The following SLC4A3 variants were observed in gnomAD, a reference collection of about 807,000 sequenced individuals.
The protein encoded by SLC4A3 is anion exchange protein 3.
In SLC4A3, 47 loss-of-function variants were observed where a neutral mutation model predicts 114.2. The observed-to-expected ratio is 0.41, with a 90% CI of 0.33 to 0.52. SLC4A3 has a LOEUF of 0.52. Ranked by LOEUF, SLC4A3 falls within the 20% of genes least tolerant of loss-of-function variation. SLC4A3 has a pLI of 0.21. For missense variants in SLC4A3, 1,312 were observed against 1,668.3 expected (o/e 0.79, Z 3.72); for synonymous variants, 693 against 710.3 (o/e 0.98, Z 0.39).
In SLC4A3 at chr2:219,630,871, C is replaced by T. The variant is rs1698893140; in HGVS notation, c.811+519C>T. Among the ~76,000 whole-genome samples the T allele has an allele frequency of 6.6e-6, 1 of 152,176 alleles. No individual in the cohort carries two copies. The highest frequency in any genetic ancestry group is 1.5e-5 in the Non-Finnish European group (1 of 68,038). The stretch of plus-strand genomic sequence containing the variant: ...CTGTCATCACCCGTGGGGCTCTGTG[C>T]CCAGGCCAGGGGCATCACTGATCCC... On this transcript the variant is annotated intron_variant, in intron 6 of 22. Transcript: ENST00000358055. This position sits in a 1 kb window ranked among gnomAD's most constrained non-coding sequence, Gnocchi z 6.9.
At position 219,637,931 on chromosome 2, in the gene SLC4A3, C is replaced by A; in HGVS notation, c.2766+120C>A. ...TGGACCAAAACCCAGCTCGGGCAGC[C>A]CCTCACCCCTTCGGAAGCCTCTTCC... On this transcript the variant is annotated intron_variant, in intron 17 of 22. Transcript: ENST00000358055. The surrounding 1 kb of genome is among the most constrained non-coding windows in gnomAD (Gnocchi z 4.6). 1 of 806,880 alleles carries A rather than the reference C, an allele frequency of 1.2e-6. No individual in the cohort carries two copies. The highest frequency in any genetic ancestry group is 2.0e-6 in the Non-Finnish European group (1 of 488,162). The allele number at this position is 806,880 out of a possible 1,614,324, so 50.0% of individuals were successfully genotyped here.
intron 9 of SLC4A3, 66 bp downstream of exon 9, chr2:219,633,075 T>C (rs1037144020): frequency 3.8e-6 from 6 of 1,574,048 alleles, no homozygotes; most frequent in Middle Eastern, 1.7e-4. Context: ...CACATCCTCT[T>C]CCAAGTGGCT....
Position 219,636,505 on chromosome 2 carries a change from T to C in SLC4A3, c.2340+55T>C, listed in dbSNP as rs570042426. 5.5e-5 allele frequency: 84 copies of C among 1,530,034 alleles called. No homozygotes were observed. In the African/African-American group the frequency reaches 1.2e-3, roughly 22 times the overall value. The allele number at this position is 1,530,034 out of a possible 1,614,324, so 94.8% of individuals were successfully genotyped here. A position where few individuals can be genotyped will look rare whatever the true frequency, so the allele number is the denominator to read the frequency against. ...ATCCTGCCCCACACTCTTCCTTACC[T>C]ACATCCTGCCCCACACTCTTCCTTA... On this transcript the variant is annotated intron_variant, in intron 15 of 22. Transcript: ENST00000358055. This position sits in a 1 kb window ranked among gnomAD's most constrained non-coding sequence, Gnocchi z 5.5.
intron 12 of SLC4A3, 123 bp downstream of exon 12, chr2:219,634,727 C>A: frequency 1.9e-6 from 2 of 1,055,312 alleles, no homozygotes; most frequent in Non-Finnish European, 2.7e-6. Flanking sequence ...AGGCCATGCC[C>A]TGGAGGGTGG....
At position 219,638,696 on chromosome 2, in the gene SLC4A3, C is replaced by G. The variant is rs372673022; in HGVS notation, c.2857-7C>G. Reference sequence around the variant, plus strand: ...GTGTCCCTGAACCCTGTTTTCCTGCCATGCAGAAGCTGACAGTGCCTACAG... The same window carrying G: ...GTGTCCCTGAACCCTGTTTTCCTGCGATGCAGAAGCTGACAGTGCCTACAG... On this transcript the variant is annotated splice_region_variant and splice_polypyrimidine_tract_variant and intron_variant, in intron 18 of 22. Transcript: ENST00000358055. This position sits in a 1 kb window ranked among gnomAD's most constrained non-coding sequence, Gnocchi z 7.5. 2 of 1,613,338 alleles carry G rather than the reference C, an allele frequency of 1.2e-6. No homozygotes were observed. The highest frequency in any genetic ancestry group is 1.3e-5 in the African/African-American group (1 of 75,022).
Position 219,638,372 on chromosome 2 carries a change from A to C in SLC4A3, c.2856+119A>C. 1.2e-6 allele frequency: 1 copy of C among 828,606 alleles called. No individual in the cohort carries two copies. Among genetic ancestry groups the C allele is most frequent in the East Asian group, 2.7e-5 (1 of 37,352 alleles). 51.3% of individuals were successfully genotyped at this position (828,606 alleles called of 1,614,324 possible). A position where few individuals can be genotyped will look rare whatever the true frequency, so the allele number is the denominator to read the frequency against. On this transcript the variant is annotated intron_variant, in intron 18 of 22. Coordinates refer to ENST00000358055, the MANE Select transcript of SLC4A3 (RefSeq NM_005070.4). The surrounding 1 kb of genome is among the most constrained non-coding windows in gnomAD (Gnocchi z 7.5). ...GGCCTGAACTCAACTTTCCCAGTGG[A>C]GTGGCCGCCCTGGGGGCTGAGGGCC...
rs1559198475 is a variant in SLC4A3, at chr2:219,631,498, C to T, written c.812-470C>T. 1.5e-6 allele frequency: 2 copies of T among 1,291,284 alleles called. No homozygotes were observed. Among genetic ancestry groups the T allele is most frequent in the South Asian group, 1.3e-5 (1 of 79,726 alleles). 80.0% of individuals were successfully genotyped at this position (1,291,284 alleles called of 1,614,324 possible). Reference sequence around the variant, plus strand: ...TGGCCTTTCCCCGACTGCTGCTGGCCTGGGTGGGGCAGACAGGAGGAAGGG... The same window carrying T: ...TGGCCTTTCCCCGACTGCTGCTGGCTTGGGTGGGGCAGACAGGAGGAAGGG... On this transcript the variant is annotated intron_variant, in intron 6 of 22. Coordinates refer to ENST00000358055, the MANE Select transcript of SLC4A3 (RefSeq NM_005070.4). This position sits in a 1 kb window ranked among gnomAD's most constrained non-coding sequence, Gnocchi z 6.3.
Position 219,636,031 on chromosome 2 carries a change from A to G in SLC4A3, c.2191+140A>G. The G allele has an allele frequency of 2.7e-6, 2 of 744,572 alleles. No homozygotes were observed. Among genetic ancestry groups the G allele is most frequent in the Non-Finnish European group, 2.1e-6 (1 of 469,346 alleles). 46.1% of individuals were successfully genotyped at this position (744,572 alleles called of 1,614,324 possible). A position where few individuals can be genotyped will look rare whatever the true frequency, so the allele number is the denominator to read the frequency against. ...GTGCTAGCAAAGGTGTAAGCACCTT[A>G]CAGAGATGCTGGATCAGGGAATCCC... On this transcript the variant is annotated intron_variant, in intron 14 of 22. Coordinates refer to ENST00000358055, the MANE Select transcript of SLC4A3 (RefSeq NM_005070.4). The surrounding 1 kb of genome is among the most constrained non-coding windows in gnomAD (Gnocchi z 5.5).
chr2:219,640,584 G>A lies in SLC4A3; in HGVS notation c.3432G>A (p.Gln1144=). ...ILMPAKHHPE[Q]PYVTKVKTWR... ...TGCCGGCAAAACACCATCCTGAGCA[G>A]CCCTATGTGACCAAGGTAGGGCCGG... is the stretch of plus-strand genomic sequence containing the variant. The change falls in exon 21 of 23, where the codon CAG becomes CAA. Residue 1144 remains glutamine, a synonymous_variant. Coordinates refer to ENST00000358055, the MANE Select transcript of SLC4A3 (RefSeq NM_005070.4). The A allele has an allele frequency of 6.2e-7, 1 of 1,614,068 alleles. No homozygotes were observed. Among genetic ancestry groups the A allele is most frequent in the East Asian group, 2.2e-5 (1 of 44,884 alleles).
At position 219,636,518 on chromosome 2, in the gene SLC4A3, A is replaced by G. The variant is rs1699124422; in HGVS notation, c.2340+68A>G. ...CTCTTCCTTACCTACATCCTGCCCC[A>G]CACTCTTCCTTACCTACATCCTGCC... On this transcript the variant is annotated intron_variant, in intron 15 of 22. Transcript: ENST00000358055. This position sits in a 1 kb window ranked among gnomAD's most constrained non-coding sequence, Gnocchi z 5.5. 1 of 1,527,388 alleles carries G rather than the reference A, an allele frequency of 6.5e-7. No individual in the cohort carries two copies. The highest frequency in any genetic ancestry group is 1.4e-5 in the African/African-American group (1 of 72,124). 94.6% of individuals were successfully genotyped at this position (1,527,388 alleles called of 1,614,324 possible). A position where few individuals can be genotyped will look rare whatever the true frequency, so the allele number is the denominator to read the frequency against.
chr2:219,633,037 C>T, intron 9 of SLC4A3, 28 bp downstream of exon 9: 1 of 1,608,954 alleles, frequency 6.2e-7, no homozygotes, highest in Non-Finnish European at 8.5e-7. Context: ...TGGGAGGGGC[C>T]TGTCCAGCTC....
Position 219,641,298 on chromosome 2 carries a change from G to A in SLC4A3, c.3621+336G>A, listed in dbSNP as rs1385559106. On this transcript the variant is annotated intron_variant, in intron 22 of 22. Transcript: ENST00000358055. The surrounding 1 kb of genome is among the most constrained non-coding windows in gnomAD (Gnocchi z 4.0). The stretch of plus-strand genomic sequence containing the variant: ...GAGGCTACAGGGTTGATGTGGCACT[G>A]GTGTCCACCCTGAGCCCTGTTTTTG... Among the ~76,000 whole-genome samples the A allele has an allele frequency of 6.6e-6, 1 of 152,144 alleles. No individual in the cohort carries two copies. Among genetic ancestry groups the A allele is most frequent in the Non-Finnish European group, 1.5e-5 (1 of 68,038 alleles).
intron 4 of SLC4A3, 23 bp from the exon 5 acceptor site, chr2:219,629,557 C>T (rs1698844640): frequency 6.3e-7 from 1 of 1,598,892 alleles, no homozygotes; most frequent in Non-Finnish European, 8.6e-7. Context: ...GGCAAGGCCC[C>T]AGGGCACATT....
chr2:219,638,105 G>A lies in SLC4A3; in HGVS notation c.2767-59G>A. The A allele has an allele frequency of 7.3e-7, 1 of 1,366,488 alleles. No homozygotes were observed. The highest frequency in any genetic ancestry group is 1.0e-6 in the Non-Finnish European group (1 of 973,344). 84.6% of individuals were successfully genotyped at this position (1,366,488 alleles called of 1,614,324 possible). A position where few individuals can be genotyped will look rare whatever the true frequency, so the allele number is the denominator to read the frequency against. ...CAGGGCCAGAGATGGCAAGCCCCGT[G>A]TTAGTCTGCTGACCTTGCCTCCACC... On this transcript the variant is annotated intron_variant, in intron 17 of 22. Transcript: ENST00000358055. The surrounding 1 kb of genome is among the most constrained non-coding windows in gnomAD (Gnocchi z 7.5).
At position 219,637,666 on chromosome 2, in the gene SLC4A3, G is replaced by T. The variant is rs552438753; in HGVS notation, c.2621G>T (p.Gly874Val). The change falls in exon 17 of 23, where the codon GGC (glycine) becomes GTC (valine). Residue 874 changes from glycine (G) to valine (V), a missense_variant. Gly to Val is a moderately radical substitution (Grantham distance 109, BLOSUM62 -3). Coordinates refer to ENST00000358055, the MANE Select transcript of SLC4A3 (RefSeq NM_005070.4). This position sits in a 1 kb window ranked among gnomAD's most constrained non-coding sequence, Gnocchi z 4.6. ...GSLDAGLEPNGSALPPTEGPP... is the reference protein window; with the variant it reads ...GSLDAGLEPNVSALPPTEGPP... ...CTGGATGCTGGTCTGGAGCCAAATGGCAGTGCCCTGCCCCCCACCGAGGGC... is the reference window on the plus strand; with the variant it reads ...CTGGATGCTGGTCTGGAGCCAAATGTCAGTGCCCTGCCCCCCACCGAGGGC... The T allele has an allele frequency of 6.2e-7, 1 of 1,612,662 alleles. No individual in the cohort carries two copies. Among genetic ancestry groups the T allele is most frequent in the South Asian group, 1.1e-5 (1 of 91,060 alleles).
At position 219,628,014 on chromosome 2, in the gene SLC4A3, C is replaced by T; in HGVS notation, c.22C>T (p.Pro8Ser). MANGVIP[P>S]PGGASPLPQV... ...GGCCATGGCCAACGGAGTGATCCCG[C>T]CGCCCGGGGGCGCCTCCCCCCTACC... is the stretch of plus-strand genomic sequence containing the variant. Residue 8 changes from proline to serine, a missense_variant, in exon 2 of 23, where the codon CCG becomes TCG. By Grantham distance (74) the Pro-to-Ser change is moderately conservative. This residue lies in a region of SLC4A3 where 236 missense variants were observed against 212.1 expected (regional missense o/e 1.11). Transcript: ENST00000358055. This position sits in a 1 kb window ranked among gnomAD's most constrained non-coding sequence, Gnocchi z 4.8. 6.3e-7 allele frequency: 1 copy of T among 1,593,468 alleles called. No homozygotes were observed.
At position 219,631,481 on chromosome 2, in the gene SLC4A3, C is replaced by T. The variant is rs1024977800; in HGVS notation, c.812-487C>T. On this transcript the variant is annotated intron_variant, in intron 6 of 22. Transcript: ENST00000358055. This position sits in a 1 kb window ranked among gnomAD's most constrained non-coding sequence, Gnocchi z 6.3. ...GTGAGTAACGGGGCTGCTGGCCTTT[C>T]CCCGACTGCTGCTGGCCTGGGTGGG... The T allele has an allele frequency of 7.7e-7, 1 of 1,298,748 alleles. No individual in the cohort carries two copies. 80.5% of individuals were successfully genotyped at this position (1,298,748 alleles called of 1,614,324 possible).
Position 219,639,379 on chromosome 2 carries a change from C to A in SLC4A3, c.3024-103C>A. ...TGGCAGTCCTAGGGAGAACTGTTGTCTGCACGTCCTCCCCCCACCATCTCG... is the reference window on the plus strand; with the variant it reads ...TGGCAGTCCTAGGGAGAACTGTTGTATGCACGTCCTCCCCCCACCATCTCG... On this transcript the variant is annotated intron_variant, in intron 19 of 22. Transcript: ENST00000358055. The surrounding 1 kb of genome is among the most constrained non-coding windows in gnomAD (Gnocchi z 5.9). The A allele has an allele frequency of 7.3e-7, 1 of 1,369,906 alleles. No individual in the cohort carries two copies. Among genetic ancestry groups the A allele is most frequent in the Non-Finnish European group, 1.0e-6 (1 of 992,192 alleles). 84.9% of individuals were successfully genotyped at this position (1,369,906 alleles called of 1,614,324 possible). A position where few individuals can be genotyped will look rare whatever the true frequency, so the allele number is the denominator to read the frequency against.
Position 219,628,115 on chromosome 2 carries a change from G to A in SLC4A3, c.51+72G>A. 2 of 1,265,806 alleles carry A rather than the reference G, an allele frequency of 1.6e-6. No individual in the cohort carries two copies. Among genetic ancestry groups the A allele is most frequent in the South Asian group, 1.6e-5 (1 of 64,238 alleles). The allele number at this position is 1,265,806 out of a possible 1,614,324, so 78.4% of individuals were successfully genotyped here. A position where few individuals can be genotyped will look rare whatever the true frequency, so the allele number is the denominator to read the frequency against. ...GAGGGACCTTAGGGTGGGCAGAGGA[G>A]TCCTCTGGCCGACCCCGGGACCCCC... is the stretch of plus-strand genomic sequence containing the variant. On this transcript the variant is annotated intron_variant, in intron 2 of 22. Transcript: ENST00000358055. This position sits in a 1 kb window ranked among gnomAD's most constrained non-coding sequence, Gnocchi z 4.8.
Sources: gnomAD v4.1 joint callset for allele counts (sites outside exome capture counted in the v4.1 genomes callset) on GRCh38, gnomAD v4.1.1 for gene constraint, gnomAD v4.1.1 regional missense constraint, Gnocchi (gnomAD v3.1) non-coding constraint, MANE v1.5 for transcripts, NCBI Gene and HGNC (gene_info 2026-07-23, HGNC 2026-07-21) for gene names.